The following SLC5A8 variants were observed in gnomAD, a reference collection of about 807,000 sequenced individuals.
SLC5A8 encodes the protein solute carrier family 5 member 8, also known as sodium-coupled monocarboxylate transporter 1.
SLC5A8 carries 55 observed loss-of-function variants against 71.9 expected under a neutral mutation model. That is an observed-to-expected ratio of 0.77 (90% CI 0.62 to 0.96). The LOEUF (loss-of-function observed/expected upper bound fraction) is 0.96. Ranked by LOEUF, SLC5A8 falls within the 40% of genes least tolerant of loss-of-function variation. SLC5A8 has a pLI of 0.00. For missense variants in SLC5A8, 701 were observed against 745.3 expected (o/e 0.94, Z 0.69); for synonymous variants, 307 against 276.1 (o/e 1.11, Z -1.11).
In SLC5A8 at chr12:101,166,527, G is replaced by A; in HGVS notation, c.1493C>T (p.Thr498Ile). ...ATTGTATATTTGAAAAACACTAGTA[G>A]TAAATGGCATTTCTGTGGTTGTCAT... is the stretch of plus-strand genomic sequence containing the variant. Reference protein sequence around the residue: ...NLMTTTEMPFTTSVFQIYNVQ... With the variant: ...NLMTTTEMPFITSVFQIYNVQ... Residue 498 changes from threonine to isoleucine, a missense_variant, in exon 12 of 15, where the codon ACT becomes ATT. Thr to Ile is a moderately conservative substitution (Grantham distance 89). Coordinates refer to ENST00000536262, the MANE Select transcript of SLC5A8 (RefSeq NM_145913.5). 6.2e-7 allele frequency: 1 copy of A among 1,613,810 alleles called. No homozygotes were observed. The highest frequency in any genetic ancestry group is 8.5e-7 in the Non-Finnish European group (1 of 1,179,880).
chr12:101,208,732 TAAC>T (rs1869784088), intron 1 of SLC5A8, among the ~76,000 whole-genome samples: 2 of 152,304 alleles, frequency 1.3e-5, no homozygotes, highest in Admixed American at 1.3e-4. Context: ...GATCCCAAGA[TAAC>T]TACCACCATC....
chr12:101,173,336 C>A (rs1462152589), intron 10 of SLC5A8, among the ~76,000 whole-genome samples: 1 of 152,134 alleles, frequency 6.6e-6, no homozygotes, highest in Non-Finnish European at 1.5e-5. Context: ...TAGGGGTGAA[C>A]CTCTTCATGG....
At chr12:101,160,380 G>A (rs956471050) in intron 13 of SLC5A8, among the ~76,000 whole-genome samples, 1 of 151,944 alleles carries the variant, frequency 6.6e-6, no homozygotes, top group African/African-American at 2.4e-5. Context: ...TGTCACAGAA[G>A]TTTGAGAGAC....
Position 101,188,180 on chromosome 12 carries a change from A to G in SLC5A8, c.834-665T>C, listed in dbSNP as rs1213852513. ...CTCTGATCTTCAGTTTCTTCACTGAAGTGTAGGATAGCAATGCCTATGTCA... is the reference window on the plus strand; with the variant it reads ...CTCTGATCTTCAGTTTCTTCACTGAGGTGTAGGATAGCAATGCCTATGTCA... On this transcript the variant is annotated intron_variant, in intron 6 of 14. Transcript: ENST00000536262. 5.3e-5 allele frequency among the ~76,000 whole-genome samples: 8 copies of G among 152,348 alleles called. No individual in the cohort carries two copies. In the East Asian group the frequency reaches 1.2e-3, roughly 22 times the overall value.
rs757527605 is a variant in SLC5A8, at chr12:101,193,701, G to C, written c.616C>G (p.Gln206Glu). The change falls in exon 5 of 15, where the codon CAG (glutamine) becomes GAG (glutamate). Residue 206 changes from glutamine to glutamate, a missense_variant. By Grantham distance (29) the Gln-to-Glu change is conservative. Transcript: ENST00000536262. ...MVAGFASVII[Q>E]AVVMQGGIST... Reference sequence around the variant, plus strand: ...ATTCCACCTTGCATCACCACAGCCTGTATAATCACGGATGCAAATCCAGCC... The same window carrying C: ...ATTCCACCTTGCATCACCACAGCCTCTATAATCACGGATGCAAATCCAGCC... 1.1e-5 allele frequency: 17 copies of C among 1,614,140 alleles called. No individual in the cohort carries two copies. In the South Asian group the frequency reaches 1.9e-4, roughly 18 times the overall value.
rs147297297 is a variant in SLC5A8 at position 101,195,974 on chromosome 12, C to T, written c.470-812G>A. 9.5e-3 allele frequency among the ~76,000 whole-genome samples: 1,442 copies of T among 152,136 alleles called. 28 individuals are homozygous for T. Among genetic ancestry groups the T allele is most frequent in the South Asian group, 0.054 (262 of 4,824 alleles). ...CCTCCCAAAGTGCTGGGATTACAAG[C>T]GTGAGCCACCGCGCCTGGCCGGTAA... On this transcript the variant is annotated intron_variant, in intron 3 of 14. Transcript: ENST00000536262.
At chr12:101,157,547 T>C in intron 14 of SLC5A8, 146 bp from the exon 15 acceptor site, 2 of 963,416 alleles carry the variant, frequency 2.1e-6, no homozygotes, top group Non-Finnish European at 1.5e-6. Flanking sequence ...CAGGTATACT[T>C]CCTCAGAGGA....
At chr12:101,189,512 G>A (rs1868807593) in intron 6 of SLC5A8, among the ~76,000 whole-genome samples, 1 of 151,916 alleles carries the variant, frequency 6.6e-6, no homozygotes, top group African/African-American at 2.4e-5. Context: ...AATCTCCTTA[G>A]AGCTTTAAAG....
intron 1 of SLC5A8, among the ~76,000 whole-genome samples, chr12:101,207,872 TAA>T (rs1869737262): frequency 6.6e-6 from 1 of 152,068 alleles, no homozygotes; most frequent in African/African-American, 2.4e-5. Flanking sequence ...CATTTTTTGA[TAA>T]AGACATAAAT....
chr12:101,174,950 C>CA (rs2137135260), intron 10 of SLC5A8, among the ~76,000 whole-genome samples: 2 of 151,924 alleles, frequency 1.3e-5, no homozygotes, highest in South Asian at 4.2e-4. Flanking sequence ...AGGAAGATCT[C>CA]AAACTAAATA....
chr12:101,199,565 A>G (rs1165722459), intron 3 of SLC5A8, among the ~76,000 whole-genome samples: 1 of 152,082 alleles, frequency 6.6e-6, no homozygotes, highest in Non-Finnish European at 1.5e-5. Context: ...GCTAAGCCAT[A>G]ATAGTCATAT....
intron 6 of SLC5A8, 90 bp from the exon 7 acceptor site, chr12:101,187,605 A>G (rs1868713304): frequency 5.3e-6 from 7 of 1,313,722 alleles, no homozygotes; most frequent in South Asian, 3.4e-5. Flanking sequence ...AGAGACCTTC[A>G]TGATTAGACT....
intron 9 of SLC5A8, among the ~76,000 whole-genome samples, chr12:101,181,283 A>G (rs1023579443): frequency 6.6e-6 from 1 of 152,110 alleles, no homozygotes; most frequent in African/African-American, 2.4e-5. Flanking sequence ...AATATTTTCA[A>G]TATATTTGGT....
intron 6 of SLC5A8, among the ~76,000 whole-genome samples, 186 bp from the exon 7 acceptor site, chr12:101,187,701 G>A (rs1010368390): frequency 1.3e-5 from 2 of 152,080 alleles, no homozygotes; most frequent in Admixed American, 6.5e-5. Flanking sequence ...CCAATCAATC[G>A]ACAGTGTATT....
chr12:101,167,773 C>A (rs1267649824), intron 11 of SLC5A8, among the ~76,000 whole-genome samples: 2 of 152,164 alleles, frequency 1.3e-5, no homozygotes, highest in East Asian at 3.8e-4. Flanking sequence ...CATCTCTGAG[C>A]CTATTGATCT....
At chr12:101,182,566 T>C (rs146133774) in intron 9 of SLC5A8, among the ~76,000 whole-genome samples, 117 of 152,346 alleles carry the variant, frequency 7.7e-4, no homozygotes, top group African/African-American at 2.6e-3. Context: ...AATTGTCCTT[T>C]GTGGTTCACT....
chr12:101,190,590 C>A lies in SLC5A8; in HGVS notation c.711G>T (p.Leu237Phe). ...TAATTGTCCAGAAGGTGTGTCTTTGCAAAGGGTTAGGATTAAAACTAAATG... is the reference window on the plus strand; with the variant it reads ...TAATTGTCCAGAAGGTGTGTCTTTGAAAAGGGTTAGGATTAAAACTAAATG... The part of the protein sequence containing the change: ...LNFWNFNPNP[L>F]QRHTFWTIII... Residue 237 changes from leucine to phenylalanine, a missense_variant, in exon 6 of 15, where the codon TTG (leucine) becomes TTT (phenylalanine). Leu to Phe is a conservative substitution (Grantham distance 22). Coordinates refer to ENST00000536262, the MANE Select transcript of SLC5A8 (RefSeq NM_145913.5). 6.2e-7 allele frequency: 1 copy of A among 1,611,376 alleles called. No individual in the cohort carries two copies. Among genetic ancestry groups the A allele is most frequent in the Non-Finnish European group, 8.5e-7 (1 of 1,179,104 alleles).
chr12:101,164,271 T>C (rs890457862), intron 12 of SLC5A8, among the ~76,000 whole-genome samples: 2 of 152,100 alleles, frequency 1.3e-5, no homozygotes, highest in African/African-American at 4.8e-5. Flanking sequence ...AGACAGAGAA[T>C]CCATTTCAGA....
intron 3 of SLC5A8, among the ~76,000 whole-genome samples, chr12:101,200,161 A>T (rs913152142): frequency 2.0e-5 from 3 of 151,962 alleles, no homozygotes; most frequent in African/African-American, 7.2e-5. Context: ...CCACTTATAT[A>T]AAATCTAACA....
Sources: allele counts gnomAD v4.1 joint callset (sites outside exome capture counted in the v4.1 genomes callset), GRCh38; gene constraint gnomAD v4.1.1; transcripts MANE v1.5; gene names NCBI Gene and HGNC (gene_info 2026-07-23, HGNC 2026-07-21).